The following KHNYN variants were observed in gnomAD, a reference collection of about 807,000 sequenced individuals.
KHNYN encodes the protein protein KHNYN.
In KHNYN, 42 loss-of-function variants were observed where a neutral mutation model predicts 62.7. The observed-to-expected ratio is 0.67, with a 90% CI of 0.52 to 0.87. The LOEUF (loss-of-function observed/expected upper bound fraction) is 0.87, where lower values mean the gene tolerates loss of function less well. KHNYN is among the 40% of genes least tolerant of loss of function. The probability of loss-of-function intolerance (pLI) is 0.00; values close to 1 mark genes in which losing one functional copy is unlikely to be tolerated. For synonymous variants in KHNYN, 347 were observed against 345.6 expected (o/e 1.00, Z -0.04); for missense variants, 829 against 874.1 (o/e 0.95, Z 0.65).
intron 7 of KHNYN, 53 bp downstream of exon 7, chr14:24,436,542 C>G: frequency 1.5e-6 from 2 of 1,319,742 alleles, no homozygotes; most frequent in Non-Finnish European, 2.1e-6. Flanking sequence ...GGCCCTCTCT[C>G]AGCAGGCCCA....
chr14:24,433,674 C>T (rs2043160722), intron 5 of KHNYN, among the ~76,000 whole-genome samples: 1 of 152,206 alleles, frequency 6.6e-6, no homozygotes, highest in Non-Finnish European at 1.5e-5. Flanking sequence ...TTGCCTTGCT[C>T]AAGGTGCTAG....
Position 24,441,095 on chromosome 14 carries a change from C to T in KHNYN, c.*3810C>T, listed in dbSNP as rs2043323891. On this transcript the variant is annotated 3_prime_UTR_variant, in exon 8 of 8. Coordinates refer to ENST00000553935, the MANE Select transcript of KHNYN (RefSeq NM_015299.3). ...AACTTCTCCATGACCTGAAGCGTTC[C>T]TTCCCTGGAGGAACTCTGGTTGCAG... 5.6e-6 allele frequency: 4 copies of T among 711,064 alleles called. No individual in the cohort carries two copies. The highest frequency in any genetic ancestry group is 2.0e-5 in the African/African-American group (1 of 49,166). 44.0% of individuals were successfully genotyped at this position (711,064 alleles called of 1,614,324 possible).
In KHNYN at chr14:24,440,886, G is replaced by A. The variant is rs2043315686; in HGVS notation, c.*3601G>A. Reference sequence around the variant, plus strand: ...AAAAGTCAAAGTCCCCTCCTGGGCTGTCTTCATCATACTCCGCAGTCAGAC... The same window carrying A: ...AAAAGTCAAAGTCCCCTCCTGGGCTATCTTCATCATACTCCGCAGTCAGAC... On this transcript the variant is annotated 3_prime_UTR_variant, in exon 8 of 8. Transcript: ENST00000553935. 6.2e-7 allele frequency: 1 copy of A among 1,614,056 alleles called. No individual in the cohort carries two copies. The highest frequency in any genetic ancestry group is 8.5e-7 in the Non-Finnish European group (1 of 1,179,888).
rs1287595697 is a variant in KHNYN, at chr14:24,430,746, GCC to G, written c.18_19del (p.Arg7ProfsTer14). ...GGCAGCAGCCATGCCTACCTGGGGG[GCC>G]CGCCCCGCGTCCCCAGATCGCTTTG... is the stretch of plus-strand genomic sequence containing the variant. MPTWGARPASPDRFAV... is the reference protein window; with the variant it reads MPTWGXRPASPDRFAV... On this transcript the variant is annotated frameshift_variant, in exon 2 of 8. Coordinates refer to ENST00000553935, the MANE Select transcript of KHNYN (RefSeq NM_015299.3). LOFTEE classifies it high-confidence loss of function. The G allele has an allele frequency of 6.4e-7, 1 of 1,567,862 alleles. No individual in the cohort carries two copies. The highest frequency in any genetic ancestry group is 1.9e-5 in the Admixed American group (1 of 52,788).
Position 24,440,934 on chromosome 14 carries a change from T to A in KHNYN, c.*3649T>A. ...GACTGGGCTGGTAGTAAGCTGCCGG[T>A]GGAACACAATCATTTGCCCTGGGTG... On this transcript the variant is annotated 3_prime_UTR_variant, in exon 8 of 8. Transcript: ENST00000553935. 2 of 1,613,974 alleles carry A rather than the reference T, an allele frequency of 1.2e-6. No individual in the cohort carries two copies. The highest frequency in any genetic ancestry group is 1.7e-6 in the Non-Finnish European group (2 of 1,179,856).
At position 24,431,967 on chromosome 14, in the gene KHNYN, G is replaced by A. The variant is rs1289385075; in HGVS notation, c.706G>A (p.Asp236Asn). 2 of 1,613,026 alleles carry A rather than the reference G, an allele frequency of 1.2e-6. No individual in the cohort carries two copies. Among genetic ancestry groups the A allele is most frequent in the Admixed American group, 1.7e-5 (1 of 59,966 alleles). ...APPSDGRESL[D>N]TGSMGPGDCR... is the part of the protein sequence containing the mutation. ...CCCTAGTGACGGCAGGGAGTCCCTGGACACTGGATCTATGGGACCCGGAGA... is the reference window on the plus strand; with the variant it reads ...CCCTAGTGACGGCAGGGAGTCCCTGAACACTGGATCTATGGGACCCGGAGA... Residue 236 changes from aspartate (D) to asparagine (N), a missense_variant, in exon 3 of 8, where the codon GAC (aspartate) becomes AAC (asparagine). Physicochemically the swap from Asp to Asn is conservative, Grantham distance 23. Transcript: ENST00000553935.
chr14:24,428,307 C>T (rs1390864838), upstream of KHNYN: 2 of 1,613,858 alleles, frequency 1.2e-6, no homozygotes, highest in Non-Finnish European at 1.7e-6. Flanking sequence ...GGCGGTTGTA[C>T]ACCTTCACCA....
At position 24,430,041 on chromosome 14, in the gene KHNYN, C is replaced by T. The variant is rs1333568402; in HGVS notation, c.-96C>T. ...CAGATTCGGGCCCCCTGCCCTTGTC[C>T]CCTGGGCTGGGGGCGCGGGCAAAGC... On this transcript the variant is annotated 5_prime_UTR_variant, in exon 1 of 8. Transcript: ENST00000553935. 15 of 985,432 alleles carry T rather than the reference C, an allele frequency of 1.5e-5. No homozygotes were observed. The highest frequency in any genetic ancestry group is 1.8e-5 in the Non-Finnish European group (15 of 830,026). The allele number at this position is 985,432 out of a possible 1,614,324, so 61.0% of individuals were successfully genotyped here.
the KHNYN span, among the ~76,000 whole-genome samples, chr14:24,423,835 T>C: frequency 6.6e-6 from 1 of 152,210 alleles, no homozygotes; most frequent in Non-Finnish European, 1.5e-5. Context: ...GTTGTTAGGA[T>C]CCTTAAAGTC....
Position 24,433,612 on chromosome 14 carries a change from C to T in KHNYN, c.1577+580C>T, listed in dbSNP as rs2043159696. On this transcript the variant is annotated intron_variant, in intron 5 of 7. Coordinates refer to ENST00000553935, the MANE Select transcript of KHNYN (RefSeq NM_015299.3). Reference sequence around the variant, plus strand: ...ATTAACCTCTTTGTCTCAGGGTCCTCCTCCATTCATTTACCCTCCTTGTGA... The same window carrying T: ...ATTAACCTCTTTGTCTCAGGGTCCTTCTCCATTCATTTACCCTCCTTGTGA... Among the ~76,000 whole-genome samples, 3 of 152,204 alleles carry T rather than the reference C, an allele frequency of 2.0e-5. No homozygotes were observed. The South Asian group carries it at 6.2e-4, about 31-fold the overall frequency.
At position 24,432,682 on chromosome 14, in the gene KHNYN, G is replaced by A. The variant is rs1275128710; in HGVS notation, c.1350-40G>A. On this transcript the variant is annotated intron_variant, in intron 3 of 7. Coordinates refer to ENST00000553935, the MANE Select transcript of KHNYN (RefSeq NM_015299.3). This position sits in a 1 kb window ranked among gnomAD's most constrained non-coding sequence, Gnocchi z 5.6. ...CTGAGGGGCTGGCATTGTAGCCAGG[G>A]TGCCAAGCCCCTCCTCTGGCCGACC... is the stretch of plus-strand genomic sequence containing the variant. The A allele has an allele frequency of 2.5e-6, 4 of 1,613,942 alleles. No individual in the cohort carries two copies. The highest frequency in any genetic ancestry group is 2.2e-5 in the East Asian group (1 of 44,874).
In KHNYN at chr14:24,437,474, C is replaced by T. The variant is rs2043225105; in HGVS notation, c.*189C>T. 1.6e-6 allele frequency: 1 copy of T among 637,758 alleles called. No individual in the cohort carries two copies. Among genetic ancestry groups the T allele is most frequent in the African/African-American group, 1.8e-5 (1 of 54,496 alleles). 39.5% of individuals were successfully genotyped at this position (637,758 alleles called of 1,614,324 possible). Reference sequence around the variant, plus strand: ...CTTACCGAGTCAGGACCTCAGCCAGCTCTCAAGAGGTTCTGCTCAGCCTTA... The same window carrying T: ...CTTACCGAGTCAGGACCTCAGCCAGTTCTCAAGAGGTTCTGCTCAGCCTTA... On this transcript the variant is annotated 3_prime_UTR_variant, in exon 8 of 8. Coordinates refer to ENST00000553935, the MANE Select transcript of KHNYN (RefSeq NM_015299.3). The surrounding 1 kb of genome is among the most constrained non-coding windows in gnomAD (Gnocchi z 5.5).
rs1367798857 is a variant in KHNYN, at chr14:24,437,372, T to C, written c.*87T>C. 5 of 1,499,892 alleles carry C rather than the reference T, an allele frequency of 3.3e-6. No individual in the cohort carries two copies. The highest frequency in any genetic ancestry group is 2.0e-5 in the Admixed American group (1 of 50,654). The allele number at this position is 1,499,892 out of a possible 1,614,324, so 92.9% of individuals were successfully genotyped here. ...CTGTGAGAGTCCCTCTGCTGCTCAC[T>C]CTGATCCAGAGGCACCCTGAGTTGG... On this transcript the variant is annotated 3_prime_UTR_variant, in exon 8 of 8. Transcript: ENST00000553935. This position sits in a 1 kb window ranked among gnomAD's most constrained non-coding sequence, Gnocchi z 5.5.
Position 24,441,542 on chromosome 14 carries a change from T to C in KHNYN, c.*4257T>C. ...AAGTACACAAAGGTTAGGAGAAACA[T>C]GCATGGATCAAGGGCCTAGGAAGTC... On this transcript the variant is annotated 3_prime_UTR_variant, in exon 8 of 8. Transcript: ENST00000553935. The C allele has an allele frequency of 1.4e-6, 1 of 699,622 alleles. No individual in the cohort carries two copies. The highest frequency in any genetic ancestry group is 2.2e-5 in the South Asian group (1 of 44,654). 43.3% of individuals were successfully genotyped at this position (699,622 alleles called of 1,614,324 possible). A position where few individuals can be genotyped will look rare whatever the true frequency, so the allele number is the denominator to read the frequency against.
chr14:24,430,817 C>A lies in KHNYN; in HGVS notation c.87C>A (p.Pro29=). 1 of 1,612,462 alleles carries A rather than the reference C, an allele frequency of 6.2e-7. No homozygotes were observed. The highest frequency in any genetic ancestry group is 8.5e-7 in the Non-Finnish European group (1 of 1,179,374). The change falls in exon 2 of 8, where the codon CCC becomes CCA. Residue 29 remains proline, a synonymous_variant. Coordinates refer to ENST00000553935, the MANE Select transcript of KHNYN (RefSeq NM_015299.3). ...EAENKVREQQ[P]HVERIFSVGV... ...AGAACAAGGTTCGGGAACAGCAGCC[C>A]CATGTGGAGCGCATCTTCAGCGTGG... is the stretch of plus-strand genomic sequence containing the variant.
At chr14:24,423,441 C>T in the KHNYN span, among the ~76,000 whole-genome samples, 3 of 152,044 alleles carry the variant, frequency 2.0e-5, no homozygotes, top group Admixed American at 6.5e-5. Flanking sequence ...CGTCTCCCAC[C>T]GAGACAGGCA....
At chr14:24,429,226 C>G, upstream of KHNYN, 6 of 697,078 alleles carry the variant, frequency 8.6e-6, no homozygotes, top group South Asian at 1.1e-4. Flanking sequence ...ACTCTTACTC[C>G]TGCTGTCACT....
upstream of KHNYN, among the ~76,000 whole-genome samples, chr14:24,425,086 A>G (rs2043006995): frequency 6.6e-6 from 1 of 152,174 alleles, no homozygotes; most frequent in African/African-American, 2.4e-5. Flanking sequence ...CTGTAATCCC[A>G]GCTACTCGGG....
At chr14:24,428,391 C>T (rs1009595876), upstream of KHNYN, 10 of 1,613,770 alleles carry the variant, frequency 6.2e-6, no homozygotes, top group African/African-American at 5.3e-5. Context: ...AGCCACCGCC[C>T]TCGTTCACCA....
Sources: gnomAD v4.1 joint callset for allele counts (sites outside exome capture counted in the v4.1 genomes callset) on GRCh38, gnomAD v4.1.1 for gene constraint, Gnocchi (gnomAD v3.1) non-coding constraint, MANE v1.5 for transcripts, NCBI Gene and HGNC (gene_info 2026-07-23, HGNC 2026-07-21) for gene names.